Variants in SHISA9 observed in about 807,000 individuals in gnomAD.
SHISA9 encodes protein shisa-9.
In SHISA9, 13 loss-of-function variants were observed where a neutral mutation model predicts 38.0. That is an observed-to-expected ratio of 0.34 (90% CI 0.22 to 0.54). The LOEUF is 0.54. SHISA9 is among the 20% of genes least tolerant of loss of function. SHISA9 has a pLI of 0.91. For synonymous variants in SHISA9, 275 were observed against 242.0 expected (o/e 1.14, Z -1.27); for missense variants, 538 against 575.8 (o/e 0.93, Z 0.67).
chr16:13,118,823 G>C (rs549724350), intron 2 of SHISA9, among the ~76,000 whole-genome samples: 1 of 147,692 alleles, frequency 6.8e-6, no homozygotes, highest in East Asian at 2.0e-4. Context: ...TCCACCTCAC[G>C]GGTTCAAGCC....
the SHISA9 span, among the ~76,000 whole-genome samples, chr16:13,507,776 C>T: frequency 2.0e-5 from 3 of 152,146 alleles, no homozygotes; most frequent in Non-Finnish European, 4.4e-5. Flanking sequence ...ACCCAGAGGC[C>T]AGAGCAGCCA....
At chr16:12,970,461 ATGTGTG>A (rs1247338051) in intron 2 of SHISA9, among the ~76,000 whole-genome samples, 1 of 62,666 alleles carries the variant, frequency 1.6e-5, no homozygotes, top group Non-Finnish European at 2.6e-5. Flanking sequence ...ATATACATAT[ATGTGTG>A]TGTATATATA....
intron 2 of SHISA9, among the ~76,000 whole-genome samples, chr16:13,048,878 A>G (rs2073217023): frequency 6.6e-6 from 1 of 152,244 alleles, no homozygotes; most frequent in Non-Finnish European, 1.5e-5. Context: ...TGAGTCGATC[A>G]TTCAGATATG....
intron 2 of SHISA9, among the ~76,000 whole-genome samples, chr16:13,127,663 G>C (rs2141984282): frequency 6.6e-6 from 1 of 152,272 alleles, no homozygotes; most frequent in South Asian, 2.1e-4. Flanking sequence ...CTGTAAACAT[G>C]CACTGGGCTC....
chr16:13,166,627 G>A (rs951748113), intron 2 of SHISA9, among the ~76,000 whole-genome samples: 4 of 152,098 alleles, frequency 2.6e-5, no homozygotes, highest in Admixed American at 2.0e-4. Flanking sequence ...ACCACCATGA[G>A]GGCAGGCATT....
the SHISA9 span, among the ~76,000 whole-genome samples, chr16:13,388,881 A>G: frequency 2.0e-5 from 3 of 152,182 alleles, no homozygotes; most frequent in Non-Finnish European, 4.4e-5. Context: ...TGAGATGATC[A>G]AGTCTTTAAT....
chr16:13,025,602 G>A (rs12920757), intron 2 of SHISA9, among the ~76,000 whole-genome samples: 77,323 of 151,970 alleles, frequency 0.51, 20,399 homozygotes, highest in Middle Eastern at 0.6. Context: ...GCCAGGGGTG[G>A]GAATCACCAA....
the SHISA9 span, among the ~76,000 whole-genome samples, chr16:13,513,633 A>T: frequency 1.3e-5 from 2 of 152,344 alleles, no homozygotes; most frequent in African/African-American, 4.8e-5. Flanking sequence ...TGGTACATAC[A>T]CACCACGGAA....
intron 4 of SHISA9, among the ~76,000 whole-genome samples, chr16:13,219,437 C>G (rs762186830): frequency 1.4e-4 from 21 of 152,206 alleles, no homozygotes; most frequent in Non-Finnish European, 2.1e-4. Flanking sequence ...AGACCCAATA[C>G]TGGTTTATCC....
intron 2 of SHISA9, among the ~76,000 whole-genome samples, chr16:13,189,481 C>T (rs7187047): frequency 5.3e-4 from 81 of 152,124 alleles, no homozygotes; most frequent in African/African-American, 1.9e-3. Flanking sequence ...CTTCTCTGAG[C>T]TTTGGTTTCC....
chr16:13,490,824 A>C, the SHISA9 span, among the ~76,000 whole-genome samples: 1 of 152,318 alleles, frequency 6.6e-6, no homozygotes, highest in East Asian at 1.9e-4. Context: ...TGTCAGAGAA[A>C]CCAACCAAAG....
chr16:13,197,464 A>T (rs2050958144), intron 2 of SHISA9: 2 of 152,138 alleles, frequency 1.3e-5, no homozygotes, highest in Admixed American at 6.5e-5. Context: ...TTCCCTGTTT[A>T]GTAACTAAGA....
the SHISA9 span, among the ~76,000 whole-genome samples, chr16:13,545,470 A>G: frequency 3.3e-5 from 5 of 152,186 alleles, no homozygotes; most frequent in Non-Finnish European, 5.9e-5. Context: ...AAGGGAGTCT[A>G]TGGATTTGGC....
the SHISA9 span, among the ~76,000 whole-genome samples, chr16:13,278,320 G>C: frequency 1.3e-5 from 2 of 152,056 alleles, no homozygotes; most frequent in Admixed American, 1.3e-4. Context: ...CAGTTAGCTA[G>C]TATTTTGTTA....
chr16:13,148,848 A>G (rs1445878134), intron 2 of SHISA9, among the ~76,000 whole-genome samples: 1 of 152,120 alleles, frequency 6.6e-6, no homozygotes, highest in East Asian at 1.9e-4. Context: ...TTAAGTCTAA[A>G]AAGTTTATGG....
At chr16:13,378,642 C>A in the SHISA9 span, among the ~76,000 whole-genome samples, 22 of 152,304 alleles carry the variant, frequency 1.4e-4, no homozygotes, top group Admixed American at 4.6e-4. Flanking sequence ...TAGATTAATT[C>A]TTTTCCTATC....
the SHISA9 span, among the ~76,000 whole-genome samples, chr16:13,436,084 G>A: frequency 1.3e-5 from 2 of 152,160 alleles, no homozygotes; most frequent in South Asian, 2.1e-4. Flanking sequence ...AGTGTCAGAG[G>A]TGTTAGAACC....
the SHISA9 span, among the ~76,000 whole-genome samples, chr16:13,560,525 A>G: frequency 6.6e-6 from 1 of 152,140 alleles, no homozygotes; most frequent in Non-Finnish European, 1.5e-5. Flanking sequence ...GAGGCCAGAC[A>G]CCTCCAACGA....
At chr16:13,355,092 T>A in the SHISA9 span, among the ~76,000 whole-genome samples, 2 of 147,980 alleles carry the variant, frequency 1.4e-5, no homozygotes, top group African/African-American at 5.0e-5. Flanking sequence ...CAGGTATTGA[T>A]GATAGGAGAG....
Sources: gnomAD v4.1 joint callset for allele counts (sites outside exome capture counted in the v4.1 genomes callset) on GRCh38, gnomAD v4.1.1 for gene constraint, MANE v1.5 for transcripts, NCBI Gene and HGNC (gene_info 2026-07-23, HGNC 2026-07-21) for gene names.